ALDH1A2: variants seen among roughly 807,000 people sequenced by gnomAD.
ALDH1A2 encodes the protein retinal dehydrogenase 2.
ALDH1A2 carries 27 observed loss-of-function variants against 60.3 expected under a neutral mutation model. The ratio of observed to expected loss-of-function variants is 0.45; its 90% CI spans 0.33 to 0.62. ALDH1A2 has a LOEUF of 0.62. Among genes scored for constraint, ALDH1A2 ranks in the 20% least tolerant of loss-of-function variants. The pLI is 0.02. For synonymous variants in ALDH1A2, 289 were observed against 232.4 expected, an observed-to-expected ratio of 1.24 and a Z score of -2.21; for missense variants, 581 against 643.8, an observed-to-expected ratio of 0.90 and a Z score of 1.06.
chr15:57,978,668 G>A (rs1040379155), intron 7 of ALDH1A2, among the ~76,000 whole-genome samples: 1 of 152,172 alleles, frequency 6.6e-6, no homozygotes, highest in South Asian at 2.1e-4. Context: ...AGTACTTGGA[G>A]GGGCATGTGG....
chr15:57,955,050 G>A lies in ALDH1A2; in HGVS notation c.*147C>T. The A allele has an allele frequency of 2.2e-6, 2 of 897,000 alleles. No homozygotes were observed. The highest frequency in any genetic ancestry group is 3.7e-6 in the Non-Finnish European group (2 of 535,800). The allele number at this position is 897,000 out of a possible 1,614,324, so 55.6% of individuals were successfully genotyped here. A position where few individuals can be genotyped will look rare whatever the true frequency, so the allele number is the denominator to read the frequency against. ...TACCCAGCTGGTTTGCTTTAGTTGTGCAGTGACCTGCCTGGCCTACATGTT... is the reference window on the plus strand; with the variant it reads ...TACCCAGCTGGTTTGCTTTAGTTGTACAGTGACCTGCCTGGCCTACATGTT... On this transcript the variant is annotated 3_prime_UTR_variant, in exon 13 of 13. Coordinates refer to ENST00000249750, the MANE Select transcript of ALDH1A2 (RefSeq NM_003888.4).
Position 57,972,652 on chromosome 15 carries a change from T to C in ALDH1A2, c.799-6825A>G, listed in dbSNP as rs141056844. ...GCAGGCAGAGACTATACCATACTTA[T>C]TCTTCAGTCTTCAAGTTTTAAGAAT... On this transcript the variant is annotated intron_variant, in intron 7 of 12. Coordinates refer to ENST00000249750, the MANE Select transcript of ALDH1A2 (RefSeq NM_003888.4). Among the ~76,000 whole-genome samples the C allele has an allele frequency of 1.4e-3, 206 of 152,300 alleles. 1 individual carries two copies. In the Middle Eastern group the frequency reaches 0.027, roughly 20 times the overall value.
intron 5 of ALDH1A2, among the ~76,000 whole-genome samples, chr15:57,994,102 G>A (rs1357353068): frequency 6.6e-6 from 1 of 152,218 alleles, no homozygotes; most frequent in Admixed American, 6.5e-5. Flanking sequence ...CTGCAGCGTT[G>A]AGAGTCTGGG....
At chr15:57,980,660 C>T (rs958549712) in intron 7 of ALDH1A2, 12 of 189,416 alleles carry the variant, frequency 6.3e-5, no homozygotes, top group African/African-American at 1.2e-4. Flanking sequence ...TGGCAGGCTG[C>T]GGGATGGGGC....
chr15:58,003,328 A>C (rs1331732445), intron 4 of ALDH1A2, among the ~76,000 whole-genome samples: 1 of 151,856 alleles, frequency 6.6e-6, no homozygotes, highest in East Asian at 1.9e-4. Flanking sequence ...TGGAACAAGA[A>C]TACTTCAGAT....
intron 7 of ALDH1A2, chr15:57,980,775 G>C (rs1460052324): frequency 6.5e-6 from 1 of 153,426 alleles, no homozygotes; most frequent in Non-Finnish European, 1.5e-5. Flanking sequence ...CCAGGTTTTG[G>C]TATCAGGATG....
chr15:57,995,123 G>T lies in ALDH1A2; in HGVS notation c.510C>A (p.Thr170=). 6.3e-7 allele frequency: 1 copy of T among 1,586,728 alleles called. No homozygotes were observed. Among genetic ancestry groups the T allele is most frequent in the African/African-American group, 1.4e-5 (1 of 73,746 alleles). Residue 170 remains threonine (T), a synonymous_variant, in exon 5 of 13, where the codon ACC becomes ACA. Coordinates refer to ENST00000249750, the MANE Select transcript of ALDH1A2 (RefSeq NM_003888.4). ...CTCCAATGGGTTCATGTCTTGTAAA[G>T]GTAAAATAGTCTCCATCTGAAAGAA... ...MTIPVDGDYF[T]FTRHEPIGVC...
At chr15:58,013,737 G>C in intron 3 of ALDH1A2, 121 bp downstream of exon 3, 8 of 1,347,654 alleles carry the variant, frequency 5.9e-6, no homozygotes, top group Non-Finnish European at 7.9e-6. Flanking sequence ...GGGCGACAGA[G>C]CTAGACTCCG....
chr15:58,051,158 A>T (rs1896769874), intron 1 of ALDH1A2, among the ~76,000 whole-genome samples: 1 of 152,142 alleles, frequency 6.6e-6, no homozygotes, highest in Non-Finnish European at 1.5e-5. Flanking sequence ...AAAGAATTAA[A>T]TTATTCCTTA....
At chr15:57,967,052 G>A (rs1007510448) in intron 7 of ALDH1A2, among the ~76,000 whole-genome samples, 4 of 152,160 alleles carry the variant, frequency 2.6e-5, no homozygotes, top group East Asian at 1.9e-4. Context: ...GAAGAGAAAC[G>A]CTACATTCAC....
intron 1 of ALDH1A2, among the ~76,000 whole-genome samples, chr15:58,019,476 G>C (rs1462998253): frequency 6.6e-6 from 1 of 152,208 alleles, no homozygotes; most frequent in Non-Finnish European, 1.5e-5. Flanking sequence ...AAAGTAGAAA[G>C]TGTATCTGAC....
chr15:58,002,959 A>T, intron 4 of ALDH1A2, among the ~76,000 whole-genome samples: 1 of 151,926 alleles, frequency 6.6e-6, no homozygotes, highest in African/African-American at 2.4e-5. Flanking sequence ...ATGCCTATAC[A>T]AACGCTGAAA....
intron 2 of ALDH1A2, 64 bp from the exon 3 acceptor site, chr15:58,014,062 G>A: frequency 6.2e-7 from 1 of 1,613,972 alleles, no homozygotes. Flanking sequence ...ACCATCCACT[G>A]TCATGAAAAA....
intron 1 of ALDH1A2, among the ~76,000 whole-genome samples, chr15:58,016,466 C>T (rs1895793173): frequency 6.6e-6 from 1 of 152,088 alleles, no homozygotes; most frequent in Non-Finnish European, 1.5e-5. Context: ...TTTCTCTGTG[C>T]AGCAGTTTTA....
chr15:58,051,362 TATTTA>T (rs1304242579), intron 1 of ALDH1A2, among the ~76,000 whole-genome samples: 1 of 72,712 alleles, frequency 1.4e-5, no homozygotes, highest in African/African-American at 3.9e-5. Context: ...TTTCTCTTTT[TATTTA>T]TTTATTTTTT....
At chr15:57,973,029 G>C (rs902412365) in intron 7 of ALDH1A2, among the ~76,000 whole-genome samples, 5 of 152,150 alleles carry the variant, frequency 3.3e-5, no homozygotes, top group South Asian at 2.1e-4. Flanking sequence ...ATTAGAATGA[G>C]TGATAATACA....
rs1302519557 is a variant in ALDH1A2 at position 57,962,145 on chromosome 15, T to G, written c.1118A>C (p.Glu373Ala). The stretch of plus-strand genomic sequence containing the variant: ...CTCAGCCACACCACTCTGGATGAGT[T>G]CCAAGATCTTGTTGTACTGTTTCTT... The part of the protein sequence containing the change: ...IDKKQYNKIL[E>A]LIQSGVAEGA... Residue 373 changes from glutamate (E) to alanine (A), a missense_variant, in exon 10 of 13, where the codon GAA becomes GCA. Around this residue, in one of 2 missense-constraint regions of ALDH1A2, gnomAD observed 375 missense variants for 469.7 expected, o/e 0.80. Coordinates refer to ENST00000249750, the MANE Select transcript of ALDH1A2 (RefSeq NM_003888.4). The G allele has an allele frequency of 1.2e-6, 2 of 1,614,164 alleles. No individual in the cohort carries two copies. The highest frequency in any genetic ancestry group is 1.7e-6 in the Non-Finnish European group (2 of 1,180,010).
At chr15:57,990,589 A>G (rs1463208749) in intron 7 of ALDH1A2, 1 of 152,160 alleles carries the variant, frequency 6.6e-6, no homozygotes, top group Non-Finnish European at 1.5e-5. Flanking sequence ...AAAGTTACAC[A>G]ATAGGCCGGA....
Position 58,060,586 on chromosome 15 carries a change from T to G in ALDH1A2, c.117+4948A>C, listed in dbSNP as rs77334370. ...GATAAGTACCTTTCTGACCAGGATT[T>G]GATCAAAGGCTTATTTTAACTCAGA... On this transcript the variant is annotated intron_variant, in intron 1 of 12. Coordinates refer to ENST00000249750, the MANE Select transcript of ALDH1A2 (RefSeq NM_003888.4). Among the ~76,000 whole-genome samples, 946 of 151,666 alleles carry G rather than the reference T, an allele frequency of 6.2e-3. 16 individuals are homozygous for G. Among genetic ancestry groups the G allele is most frequent in the African/African-American group, 0.021 (868 of 41,198 alleles).
Sources: gnomAD v4.1 joint callset for allele counts (sites outside exome capture counted in the v4.1 genomes callset) on GRCh38, gnomAD v4.1.1 for gene constraint, gnomAD v4.1.1 regional missense constraint, MANE v1.5 for transcripts, NCBI Gene and HGNC (gene_info 2026-07-23, HGNC 2026-07-21) for gene names.